CLIC4: variants seen among roughly 807,000 people sequenced by gnomAD.
The protein encoded by CLIC4 is CLIC family member 4, also known as chloride intracellular channel protein 4.
Under a neutral mutation model 24.6 loss-of-function variants are expected in CLIC4, and 13 were observed. The ratio of observed to expected loss-of-function variants is 0.53; its 90% CI spans 0.34 to 0.84. The LOEUF is 0.84. Ranked by LOEUF, CLIC4 falls within the 40% of genes least tolerant of loss-of-function variation. The pLI, the probability that CLIC4 is intolerant of heterozygous loss-of-function variation, is 0.01. For synonymous variants in CLIC4, 104 were observed against 111.3 expected (o/e 0.93, Z 0.41); for missense variants, 227 against 301.7 (o/e 0.75, Z 1.83).
chr1:24,748,511 T>TTTG (rs1553188261), intron 1 of CLIC4, among the ~76,000 whole-genome samples: 1 of 144,402 alleles, frequency 6.9e-6, no homozygotes, highest in Admixed American at 6.9e-5. Context: ...TTTTTTTTTT[T>TTTG]TTTTTTTTTT....
chr1:24,796,146 G>A (rs928974959), intron 1 of CLIC4, among the ~76,000 whole-genome samples: 2 of 152,118 alleles, frequency 1.3e-5, no homozygotes, highest in Non-Finnish European at 2.9e-5. Context: ...GTAGTCATGT[G>A]CTGCATATGC....
intron 1 of CLIC4, among the ~76,000 whole-genome samples, chr1:24,770,114 G>A (rs1265384533): frequency 6.6e-6 from 1 of 151,902 alleles, no homozygotes; most frequent in Non-Finnish European, 1.5e-5. Context: ...TCCCACTTTG[G>A]CCTCCCATTA....
At chr1:24,756,049 GA>G (rs1557794080) in intron 1 of CLIC4, among the ~76,000 whole-genome samples, 1 of 149,826 alleles carries the variant, frequency 6.7e-6, no homozygotes, top group Non-Finnish European at 1.5e-5. Context: ...GCCCAGGCTG[GA>G]GTGCAGTGAC....
chr1:24,794,063 C>T (rs1273894057), intron 1 of CLIC4, among the ~76,000 whole-genome samples: 1 of 152,170 alleles, frequency 6.6e-6, no homozygotes, highest in Non-Finnish European at 1.5e-5. Flanking sequence ...TCCTTCCCAT[C>T]TCTCCTTTTC....
intron 2 of CLIC4, among the ~76,000 whole-genome samples, chr1:24,810,601 C>T (rs191518450): frequency 2.0e-4 from 30 of 152,224 alleles, no homozygotes; most frequent in Non-Finnish European, 3.7e-4. Flanking sequence ...AGATCCTCAT[C>T]TCTACAAAAA....
At chr1:24,798,156 G>A (rs1245656261) in intron 2 of CLIC4, among the ~76,000 whole-genome samples, 1 of 152,162 alleles carries the variant, frequency 6.6e-6, no homozygotes, top group Non-Finnish European at 1.5e-5. Flanking sequence ...GTGTAAACAT[G>A]GAGTCATGAA....
intron 2 of CLIC4, among the ~76,000 whole-genome samples, chr1:24,803,668 A>G (rs896002350): frequency 2.6e-5 from 4 of 152,216 alleles, no homozygotes; most frequent in African/African-American, 9.6e-5. Context: ...ATTTACATCA[A>G]CGATTTGAAC....
chr1:24,784,872 C>T (rs764685783), intron 1 of CLIC4, among the ~76,000 whole-genome samples: 4 of 151,898 alleles, frequency 2.6e-5, no homozygotes, highest in Admixed American at 6.6e-5. Context: ...GGCATGGTGG[C>T]GTGCATCTGT....
intron 4 of CLIC4, among the ~76,000 whole-genome samples, chr1:24,836,110 A>G (rs980099830): frequency 6.6e-6 from 1 of 152,236 alleles, no homozygotes; most frequent in African/African-American, 2.4e-5. Flanking sequence ...CTTTAAGGAA[A>G]GAAGCATTAT....
intron 1 of CLIC4, among the ~76,000 whole-genome samples, chr1:24,795,727 G>C (rs1308755656): frequency 6.6e-6 from 1 of 152,050 alleles, no homozygotes; most frequent in East Asian, 1.9e-4. Context: ...GCGCCACAAC[G>C]CCTGGCTAAT....
intron 3 of CLIC4, among the ~76,000 whole-genome samples, chr1:24,820,977 A>G (rs1639724537): frequency 6.6e-6 from 1 of 152,168 alleles, no homozygotes; most frequent in Non-Finnish European, 1.5e-5. Flanking sequence ...TGAGCTCAGG[A>G]GTTCAAGACC....
intron 3 of CLIC4, among the ~76,000 whole-genome samples, chr1:24,819,035 G>C (rs1639699909): frequency 6.6e-6 from 1 of 152,098 alleles, no homozygotes. Context: ...TAGGCAGGAA[G>C]GCTGATGAGC....
At chr1:24,785,067 A>G (rs186589307) in intron 1 of CLIC4, among the ~76,000 whole-genome samples, 22 of 150,486 alleles carry the variant, frequency 1.5e-4, no homozygotes, top group African/African-American at 4.9e-4. Context: ...GTGAACATTT[A>G]AACTTTATGT....
At chr1:24,758,708 T>G (rs2124086798) in intron 1 of CLIC4, among the ~76,000 whole-genome samples, 1 of 152,290 alleles carries the variant, frequency 6.6e-6, no homozygotes, top group South Asian at 2.1e-4. Context: ...TCTGCCCGCC[T>G]TGGCCTTCCA....
At chr1:24,773,505 A>G (rs533513075) in intron 1 of CLIC4, among the ~76,000 whole-genome samples, 12 of 151,820 alleles carry the variant, frequency 7.9e-5, no homozygotes, top group Non-Finnish European at 1.3e-4. Context: ...AAACAAGGGA[A>G]GACCCTGGCA....
intron 3 of CLIC4, among the ~76,000 whole-genome samples, chr1:24,818,535 C>T (rs567724525): frequency 6.6e-6 from 1 of 152,246 alleles, no homozygotes; most frequent in East Asian, 1.9e-4. Flanking sequence ...TATCCGCCCA[C>T]CTCGGCCTCT....
chr1:24,810,545 C>T (rs1639602097), intron 2 of CLIC4, among the ~76,000 whole-genome samples: 2 of 152,100 alleles, frequency 1.3e-5, no homozygotes, highest in Admixed American at 1.3e-4. Context: ...ACCTATTTTA[C>T]TATATTAGAA....
intron 4 of CLIC4, among the ~76,000 whole-genome samples, chr1:24,829,810 C>G (rs568155235): frequency 1.5e-4 from 23 of 152,298 alleles, no homozygotes; most frequent in South Asian, 4.1e-4. Context: ...CTGCCTTTCT[C>G]TCTGGAAAAG....
chr1:24,756,596 TAAGTA>T (rs1384183276), intron 1 of CLIC4, among the ~76,000 whole-genome samples: 1 of 152,228 alleles, frequency 6.6e-6, no homozygotes, highest in Admixed American at 6.5e-5. Flanking sequence ...TGTAATAACT[TAAGTA>T]TTGAATTTTA....
Sources: allele counts gnomAD v4.1 joint callset (sites outside exome capture counted in the v4.1 genomes callset), GRCh38; gene constraint gnomAD v4.1.1; transcripts MANE v1.5; gene names NCBI Gene and HGNC (gene_info 2026-07-23, HGNC 2026-07-21).